Variants in SLCO4A1 observed in about 807,000 individuals in gnomAD.
The protein encoded by SLCO4A1 is colon organic anion transporter.
SLCO4A1 carries 51 observed loss-of-function variants against 64.6 expected under a neutral mutation model. The observed-to-expected ratio is 0.79, with a 90% CI of 0.63 to 1.00. SLCO4A1 has a LOEUF of 1.00. Ranked by LOEUF, SLCO4A1 falls within the 50% of genes least tolerant of loss-of-function variation. The probability of loss-of-function intolerance (pLI) is 0.00; values close to 1 mark genes in which losing one functional copy is unlikely to be tolerated. For missense variants in SLCO4A1, 919 were observed against 980.5 expected (o/e 0.94, Z 0.84); for synonymous variants, 471 against 444.9 (o/e 1.06, Z -0.74).
chr20:62,673,140 T>C (rs1339816939), downstream of SLCO4A1, among the ~76,000 whole-genome samples: 1 of 141,114 alleles, frequency 7.1e-6, no homozygotes, highest in African/African-American at 2.5e-5. Context: ...CTCACTGCTG[T>C]GACTGCTGGG....
chr20:62,643,121 A>T, intron 1 of SLCO4A1: 1 of 433,848 alleles, frequency 2.3e-6, no homozygotes, highest in South Asian at 1.6e-5. Flanking sequence ...CATCTCCGGG[A>T]GGGGAGCGCG....
At chr20:62,651,276 C>T (rs1569119929) in intron 1 of SLCO4A1, 1 of 152,204 alleles carries the variant, frequency 6.6e-6, no homozygotes, top group Non-Finnish European at 1.5e-5. Context: ...TTTCCAGCTT[C>T]AGAAGAGAAC....
intron 1 of SLCO4A1, chr20:62,651,625 A>C (rs1982520615): frequency 6.6e-6 from 1 of 152,284 alleles, no homozygotes; most frequent in African/African-American, 2.4e-5. Flanking sequence ...CTTTTAATTC[A>C]GGTAAAACAG....
intron 1 of SLCO4A1, among the ~76,000 whole-genome samples, chr20:62,653,879 G>A (rs185356067): frequency 6.1e-4 from 91 of 148,120 alleles, no homozygotes; most frequent in Middle Eastern, 6.8e-3. Flanking sequence ...ATCACACCCC[G>A]GGGCCTGCCA....
chr20:62,675,705 C>T (rs1485453184), downstream of SLCO4A1, among the ~76,000 whole-genome samples: 1 of 152,222 alleles, frequency 6.6e-6, no homozygotes, highest in African/African-American at 2.4e-5. Context: ...CACACAGGCC[C>T]CCCGCTTCTC....
intron 6 of SLCO4A1, chr20:62,665,813 C>T (rs1303438407): frequency 6.6e-6 from 1 of 151,412 alleles, no homozygotes; most frequent in East Asian, 2.0e-4. Context: ...TCTGTCCCCT[C>T]CCCACCTGTC....
chr20:62,643,057 C>A (rs1980682233), intron 1 of SLCO4A1: 1 of 469,764 alleles, frequency 2.1e-6, no homozygotes, highest in Non-Finnish European at 4.4e-6. Context: ...AACCTTCATG[C>A]ACGGAAGTTT....
downstream of SLCO4A1, among the ~76,000 whole-genome samples, chr20:62,674,564 G>A (rs1987497982): frequency 6.6e-6 from 1 of 152,164 alleles, no homozygotes; most frequent in African/African-American, 2.4e-5. Flanking sequence ...GGTCAAGATG[G>A]TCTCTGACTC....
rs147242390 is a variant in SLCO4A1, at chr20:62,646,145, A to G, written c.-97+3592A>G. On this transcript the variant is annotated intron_variant, in intron 1 of 11. Coordinates refer to ENST00000217159, the MANE Select transcript of SLCO4A1 (RefSeq NM_016354.4). ...CTTCTGGGTCTTGTCTCTCCCACAC[A>G]TTGGGGGTCAGGTTTGAGCCCCTTT... 6.0e-3 allele frequency among the ~76,000 whole-genome samples: 910 copies of G among 152,100 alleles called. 4 individuals are homozygous for G. The highest frequency in any genetic ancestry group is 0.019 in the South Asian group (93 of 4,812).
In SLCO4A1 at chr20:62,656,686, G is replaced by T. The variant is rs1047099; in HGVS notation, c.232G>T (p.Val78Phe). The change falls in exon 2 of 12, where the codon GTC becomes TTC. Residue 78 changes from valine to phenylalanine, a missense_variant. Transcript: ENST00000217159. The part of the protein sequence containing the change: ...GARGTHEVRY[V>F]SAGQSVACGW... Reference sequence around the variant, plus strand: ...CCGGGGGACCCATGAGGTGCGGTACGTCTCGGCCGGGCAGAGCGTGGCGTG... The same window carrying T: ...CCGGGGGACCCATGAGGTGCGGTACTTCTCGGCCGGGCAGAGCGTGGCGTG... The T allele has an allele frequency of 3.1e-6, 5 of 1,607,852 alleles. No homozygotes were observed. Among genetic ancestry groups the T allele is most frequent in the Non-Finnish European group, 4.2e-6 (5 of 1,177,470 alleles).
chr20:62,681,816 G>T (rs1158519089), intron 2 of SLCO4A1, among the ~76,000 whole-genome samples: 3 of 152,068 alleles, frequency 2.0e-5, no homozygotes, highest in Non-Finnish European at 4.4e-5. Flanking sequence ...TTTTCAGAAG[G>T]TCTCACTGAA....
intron 6 of SLCO4A1, chr20:62,666,153 C>CCCTTCCCCTTCG (rs1569142414): frequency 7.5e-5 from 13 of 172,672 alleles, no homozygotes; most frequent in African/African-American, 3.2e-4. Flanking sequence ...CTTCCCCTTC[C>CCCTTCCCCTTCG]CCTCTGAGGC....
intron 2 of SLCO4A1, among the ~76,000 whole-genome samples, chr20:62,683,738 C>T (rs976546590): frequency 3.3e-5 from 5 of 152,132 alleles, no homozygotes; most frequent in South Asian, 2.1e-4. Flanking sequence ...TGGGCGACAC[C>T]GTCTGGGTTT....
At chr20:62,680,167 T>G (rs1987763345) in intron 2 of SLCO4A1, among the ~76,000 whole-genome samples, 1 of 152,196 alleles carries the variant, frequency 6.6e-6, no homozygotes, top group African/African-American at 2.4e-5. Flanking sequence ...GAAATTTCAT[T>G]TCCCAGTGCC....
At chr20:62,686,486 G>A (rs1988063275), downstream of SLCO4A1, among the ~76,000 whole-genome samples, 1 of 152,220 alleles carries the variant, frequency 6.6e-6, no homozygotes, top group Non-Finnish European at 1.5e-5. Flanking sequence ...CAGGAGCGGG[G>A]AAGAGGGGAG....
downstream of SLCO4A1, among the ~76,000 whole-genome samples, chr20:62,687,141 GGGGCACCCCCAAACAGGAGCGATGGAAA>G (rs1289992227): frequency 3.5e-5 from 4 of 113,088 alleles, no homozygotes; most frequent in Admixed American, 8.3e-5. Flanking sequence ...CACGATGGGT[GGGGCACCCCCAAACAGGAGCGATGGAAA>G]GGGCGCCCCC....
rs971886296 is a variant in SLCO4A1, at chr20:62,677,888, G to A, written n.212-7553G>A. 6.6e-5 allele frequency among the ~76,000 whole-genome samples: 10 copies of A among 152,248 alleles called. No individual in the cohort carries two copies. The South Asian group carries it at 2.1e-3, about 31-fold the overall frequency. Reference sequence around the variant, plus strand: ...CGCCGTGATGGGGGTGCCGTCTTGGGTGCTCCAGTCCCCAGCTGGGCTCTC... The same window carrying A: ...CGCCGTGATGGGGGTGCCGTCTTGGATGCTCCAGTCCCCAGCTGGGCTCTC... On this transcript the variant is annotated intron_variant and non_coding_transcript_variant, in intron 2 of 2. Transcript: ENST00000466818.
In SLCO4A1 at chr20:62,656,422, G is replaced by A. The variant is rs1405250765; in HGVS notation, c.-33G>A. 1 of 1,448,468 alleles carries A rather than the reference G, an allele frequency of 6.9e-7. No individual in the cohort carries two copies. Among genetic ancestry groups the A allele is most frequent in the Non-Finnish European group, 9.1e-7 (1 of 1,100,392 alleles). 89.7% of individuals were successfully genotyped at this position (1,448,468 alleles called of 1,614,324 possible). A position where few individuals can be genotyped will look rare whatever the true frequency, so the allele number is the denominator to read the frequency against. On this transcript the variant is annotated 5_prime_UTR_variant, in exon 2 of 12. Transcript: ENST00000217159. ...CTGAGGCCACTCCCACTGCGTGGCT[G>A]AAGCCTCGAGGTCACCAGGCGGAGG...
At chr20:62,646,497 C>T (rs971298676) in intron 1 of SLCO4A1, among the ~76,000 whole-genome samples, 17 of 152,216 alleles carry the variant, frequency 1.1e-4, no homozygotes, top group African/African-American at 3.4e-4. Context: ...CACCAGTAGC[C>T]GAGGCACAGC....
Sources: gnomAD v4.1 joint callset for allele counts (sites outside exome capture counted in the v4.1 genomes callset) on GRCh38, gnomAD v4.1.1 for gene constraint, MANE v1.5 for transcripts, NCBI Gene and HGNC (gene_info 2026-07-23, HGNC 2026-07-21) for gene names.